The following CNTNAP2 variants were observed in gnomAD, a reference collection of about 807,000 sequenced individuals.
The protein encoded by CNTNAP2 is contactin-associated protein-like 2.
CNTNAP2 carries 98 observed loss-of-function variants against 155.2 expected under a neutral mutation model. That is an observed-to-expected ratio of 0.63 (90% CI 0.54 to 0.75). The LOEUF (loss-of-function observed/expected upper bound fraction) is 0.75. Among genes scored for constraint, CNTNAP2 ranks in the 30% least tolerant of loss-of-function variants. CNTNAP2 has a pLI of 0.00. For synonymous variants in CNTNAP2, 651 were observed against 631.2 expected (o/e 1.03, Z -0.47); for missense variants, 1,727 against 1,688.1 (o/e 1.02, Z -0.40).
chr7:146,911,438 A>G (rs1439309760), intron 3 of CNTNAP2, among the ~76,000 whole-genome samples: 3 of 152,122 alleles, frequency 2.0e-5, no homozygotes, highest in African/African-American at 4.8e-5. Flanking sequence ...TGGATTAAGA[A>G]AATGTGGCAC....
chr7:146,737,534 T>A (rs1585066693), intron 1 of CNTNAP2, among the ~76,000 whole-genome samples: 1 of 152,216 alleles, frequency 6.6e-6, no homozygotes, highest in Non-Finnish European at 1.5e-5. Flanking sequence ...GTATAACGGG[T>A]TATGCATAAA....
chr7:147,557,245 C>T (rs1799969469), intron 11 of CNTNAP2, among the ~76,000 whole-genome samples: 1 of 151,718 alleles, frequency 6.6e-6, no homozygotes, highest in African/African-American at 2.4e-5. Context: ...GCCTGGGCAA[C>T]AGAGCCAGAC....
chr7:146,976,665 T>C (rs985621468), intron 3 of CNTNAP2, among the ~76,000 whole-genome samples: 1 of 152,180 alleles, frequency 6.6e-6, no homozygotes, highest in Non-Finnish European at 1.5e-5. Context: ...TGTGTTCAGC[T>C]GTCCAGAAGC....
intron 1 of CNTNAP2, among the ~76,000 whole-genome samples, chr7:146,232,307 T>TATAATAATA (rs1554405374): frequency 0.012 from 1,874 of 150,624 alleles, 31 homozygotes; most frequent in African/African-American, 0.042. Context: ...TAATATATAA[T>TATAATAATA]TTTAATTGAC....
At chr7:147,904,821 A>G (rs148557381) in intron 14 of CNTNAP2, among the ~76,000 whole-genome samples, 1 of 152,132 alleles carries the variant, frequency 6.6e-6, no homozygotes, top group African/African-American at 2.4e-5. Context: ...GTAAATAGCT[A>G]TCATTAATCT....
chr7:146,478,278 C>A (rs1248344168), intron 1 of CNTNAP2, among the ~76,000 whole-genome samples: 1 of 151,656 alleles, frequency 6.6e-6, no homozygotes, highest in Admixed American at 6.6e-5. Flanking sequence ...AAACAAAAAC[C>A]CAGCAAGTAG....
chr7:146,975,926 G>A (rs1797901134), intron 3 of CNTNAP2, among the ~76,000 whole-genome samples: 1 of 152,140 alleles, frequency 6.6e-6, no homozygotes, highest in Non-Finnish European at 1.5e-5. Context: ...AGATGATCCT[G>A]TAAGGGAGCT....
At chr7:148,124,649 A>G (rs1262890834) in intron 16 of CNTNAP2, among the ~76,000 whole-genome samples, 1 of 152,238 alleles carries the variant, frequency 6.6e-6, no homozygotes, top group African/African-American at 2.4e-5. Context: ...TGCAAGTGCC[A>G]GGCCCTGTTC....
At chr7:146,876,198 T>A (rs1212161169) in intron 3 of CNTNAP2, among the ~76,000 whole-genome samples, 4 of 152,002 alleles carry the variant, frequency 2.6e-5, no homozygotes, top group African/African-American at 9.7e-5. Context: ...CATGGGATCG[T>A]CACCAAATCT....
intron 10 of CNTNAP2, among the ~76,000 whole-genome samples, chr7:147,441,156 G>A (rs1487919774): frequency 6.6e-6 from 1 of 151,438 alleles, no homozygotes; most frequent in African/African-American, 2.4e-5. Flanking sequence ...TATTCTTTTT[G>A]TTTTCTTTTG....
At chr7:148,136,881 G>A (rs1029976830) in intron 16 of CNTNAP2, among the ~76,000 whole-genome samples, 1 of 152,092 alleles carries the variant, frequency 6.6e-6, no homozygotes, top group Admixed American at 6.6e-5. Context: ...TCTTTAGGGA[G>A]GCAAAAATGT....
At chr7:146,635,765 T>C (rs1799587544) in intron 1 of CNTNAP2, among the ~76,000 whole-genome samples, 2 of 151,866 alleles carry the variant, frequency 1.3e-5, no homozygotes, top group African/African-American at 4.8e-5. Flanking sequence ...GGAGTCCTCC[T>C]TTTCTGCCTT....
intron 1 of CNTNAP2, among the ~76,000 whole-genome samples, chr7:146,165,445 A>G (rs1486524284): frequency 6.6e-6 from 1 of 152,164 alleles, no homozygotes; most frequent in Non-Finnish European, 1.5e-5. Context: ...TCTTATGACA[A>G]TTGTCTTTTT....
chr7:146,373,531 T>C (rs1424226280), intron 1 of CNTNAP2, among the ~76,000 whole-genome samples: 5 of 151,816 alleles, frequency 3.3e-5, no homozygotes, highest in African/African-American at 9.7e-5. Context: ...ATTAGAAATA[T>C]GTTGAAAAAA....
chr7:147,131,315 G>A (rs182753756), intron 7 of CNTNAP2, among the ~76,000 whole-genome samples: 1 of 151,344 alleles, frequency 6.6e-6, no homozygotes, highest in African/African-American at 2.4e-5. Context: ...CATAGAGATA[G>A]AACCAATGAA....
intron 1 of CNTNAP2, among the ~76,000 whole-genome samples, chr7:146,723,875 C>G (rs530643263): frequency 1.1e-3 from 170 of 152,218 alleles, no homozygotes; most frequent in Non-Finnish European, 2.1e-3. Context: ...ATGCTCAGGT[C>G]TTATAGTAGT....
chr7:148,329,495 G>A (rs1374070986), intron 21 of CNTNAP2, among the ~76,000 whole-genome samples: 2 of 152,152 alleles, frequency 1.3e-5, no homozygotes, highest in African/African-American at 4.8e-5. Context: ...GGAACAGAAG[G>A]AACAAATGTG....
intron 20 of CNTNAP2, among the ~76,000 whole-genome samples, chr7:148,247,773 C>T (rs1471364330): frequency 1.3e-5 from 2 of 151,716 alleles, no homozygotes; most frequent in African/African-American, 4.8e-5. Flanking sequence ...CCTGCCTCAG[C>T]CTCCCCAGTA....
At chr7:148,090,821 C>T (rs1803824820) in intron 15 of CNTNAP2, among the ~76,000 whole-genome samples, 1 of 152,146 alleles carries the variant, frequency 6.6e-6, no homozygotes, top group South Asian at 2.1e-4. Context: ...GCATTATTCA[C>T]AATCGCTAAG....
Sources: gnomAD v4.1 joint callset for allele counts (sites outside exome capture counted in the v4.1 genomes callset) on GRCh38, gnomAD v4.1.1 for gene constraint, MANE v1.5 for transcripts, NCBI Gene and HGNC (gene_info 2026-07-23, HGNC 2026-07-21) for gene names.